The following TTC27 variants were observed in gnomAD, a reference collection of about 807,000 sequenced individuals.
TTC27 encodes the protein tetratricopeptide repeat protein 27.
TTC27 carries 79 observed loss-of-function variants against 115.9 expected under a neutral mutation model. The observed-to-expected ratio is 0.68, with a 90% CI of 0.57 to 0.82. TTC27 has a LOEUF of 0.82. Among genes scored for constraint, TTC27 ranks in the 40% least tolerant of loss-of-function variants. The pLI is 0.00. For synonymous variants in TTC27, 401 were observed against 356.0 expected (o/e 1.13, Z -1.42); for missense variants, 1,054 against 993.1 (o/e 1.06, Z -0.82).
At chr2:32,715,173 C>G (rs1296075236) in intron 10 of TTC27, among the ~76,000 whole-genome samples, 2 of 152,066 alleles carry the variant, frequency 1.3e-5, no homozygotes, top group Non-Finnish European at 2.9e-5. Flanking sequence ...ATAGTACTTT[C>G]TAGGTTATCT....
chr2:32,815,413 A>G (rs982054617), intron 18 of TTC27, among the ~76,000 whole-genome samples: 1 of 150,828 alleles, frequency 6.6e-6, no homozygotes, highest in African/African-American at 2.4e-5. Context: ...AATTTTTTGT[A>G]TTTTTAATAG....
At chr2:32,791,958 C>G (rs1670552591) in intron 16 of TTC27, among the ~76,000 whole-genome samples, 1 of 152,132 alleles carries the variant, frequency 6.6e-6, no homozygotes, top group Non-Finnish European at 1.5e-5. Context: ...AATCACCACC[C>G]CAAACAGTTA....
At chr2:32,705,331 A>G (rs1303720873) in intron 10 of TTC27, among the ~76,000 whole-genome samples, 1 of 152,166 alleles carries the variant, frequency 6.6e-6, no homozygotes, top group East Asian at 1.9e-4. Context: ...CCAAATAAAC[A>G]TCTTTTCTTT....
At chr2:32,680,765 G>C (rs924947574) in intron 9 of TTC27, among the ~76,000 whole-genome samples, 5 of 152,098 alleles carry the variant, frequency 3.3e-5, no homozygotes, top group African/African-American at 1.2e-4. Context: ...CAGTTTCTTG[G>C]GATTGGTCCA....
intron 9 of TTC27, among the ~76,000 whole-genome samples, chr2:32,692,283 A>G (rs1238547671): frequency 1.3e-5 from 2 of 152,114 alleles, no homozygotes; most frequent in Non-Finnish European, 1.5e-5. Context: ...CTGATATTTC[A>G]TCAAATTACC....
chr2:32,650,492 G>A (rs550035193), intron 5 of TTC27, among the ~76,000 whole-genome samples: 66 of 150,352 alleles, frequency 4.4e-4, no homozygotes, highest in African/African-American at 1.5e-3. Context: ...TTTGCTCTAT[G>A]TAGGTCACCA....
In TTC27 at chr2:32,787,028, A is replaced by G. The variant is rs766483659; in HGVS notation, c.1877A>G (p.Tyr626Cys). The G allele has an allele frequency of 8.7e-6, 14 of 1,614,020 alleles. No individual in the cohort carries two copies. Among genetic ancestry groups the G allele is most frequent in the East Asian group, 2.2e-5 (1 of 44,872 alleles). Residue 626 changes from tyrosine (Y) to cysteine (C), a missense_variant, in exon 16 of 20, where the codon TAT becomes TGT. Coordinates refer to ENST00000317907, the MANE Select transcript of TTC27 (RefSeq NM_017735.5). ...TTACAAGAAGCTCTCAAGTGTAACTATGAACACTGGCAGATTTGGGAAAAC... is the reference window on the plus strand; with the variant it reads ...TTACAAGAAGCTCTCAAGTGTAACTGTGAACACTGGCAGATTTGGGAAAAC... ...RTLQEALKCN[Y>C]EHWQIWENYI...
Position 32,820,884 on chromosome 2 carries a change from C to T in TTC27, c.2478C>T (p.Asp826=). ...RELADDITAM[D]TLVTELQDLS... is the part of the protein sequence containing the mutation. The stretch of plus-strand genomic sequence containing the variant: ...TAGCTGATGACATAACAGCTATGGA[C>T]ACCTTAGTGACAGAGCTCCAAGACC... The change falls in exon 20 of 20, where the codon GAC becomes GAT. Residue 826 remains aspartate (D), a synonymous_variant. Coordinates refer to ENST00000317907, the MANE Select transcript of TTC27 (RefSeq NM_017735.5). 6.5e-7 allele frequency: 1 copy of T among 1,541,898 alleles called. No homozygotes were observed. Among genetic ancestry groups the T allele is most frequent in the Non-Finnish European group, 8.8e-7 (1 of 1,140,646 alleles).
intron 9 of TTC27, among the ~76,000 whole-genome samples, chr2:32,699,319 G>A (rs1667103720): frequency 6.6e-6 from 1 of 152,198 alleles, no homozygotes; most frequent in Non-Finnish European, 1.5e-5. Flanking sequence ...AGCCTTGTAG[G>A]CATTGGGGTG....
At chr2:32,650,001 T>TAATCTCTTTATTACTGAA in intron 4 of TTC27, 130 bp from the exon 5 acceptor site, 1 of 697,712 alleles carries the variant, frequency 1.4e-6, no homozygotes. Flanking sequence ...AAGAGAGTAG[T>TAATCTCTTTATTACTGAA]GGATGGGTAA....
chr2:32,821,016 T>C lies in TTC27; in HGVS notation c.*78T>C, dbSNP rs1671687059. The C allele has an allele frequency of 7.9e-7, 1 of 1,265,064 alleles. No homozygotes were observed. Among genetic ancestry groups the C allele is most frequent in the East Asian group, 2.9e-5 (1 of 34,576 alleles). The allele number at this position is 1,265,064 out of a possible 1,614,324, so 78.4% of individuals were successfully genotyped here. ...ACATCTGTATATCTGAAATGCAAGA[T>C]ATTGATTTTTAAAATAAATTTGTTT... On this transcript the variant is annotated 3_prime_UTR_variant, in exon 20 of 20. Coordinates refer to ENST00000317907, the MANE Select transcript of TTC27 (RefSeq NM_017735.5).
At chr2:32,720,828 A>G (rs996848315) in intron 10 of TTC27, among the ~76,000 whole-genome samples, 3 of 152,198 alleles carry the variant, frequency 2.0e-5, no homozygotes, top group African/African-American at 7.2e-5. Context: ...TTTATTCTCT[A>G]TTAAAGACTA....
intron 12 of TTC27, among the ~76,000 whole-genome samples, chr2:32,756,434 A>G (rs552958632): frequency 4.2e-4 from 64 of 152,294 alleles, no homozygotes; most frequent in African/African-American, 1.5e-3. Context: ...CTAAAACTTT[A>G]TGTTTATTTT....
intron 16 of TTC27, among the ~76,000 whole-genome samples, chr2:32,791,207 C>T (rs1404071510): frequency 2.0e-5 from 3 of 152,294 alleles, no homozygotes; most frequent in South Asian, 2.1e-4. Context: ...TCCTTGCAGA[C>T]GAATCCTCAT....
intron 9 of TTC27, among the ~76,000 whole-genome samples, chr2:32,695,748 A>T (rs6543665): frequency 0.81 from 87,995 of 108,542 alleles, 35,479 homozygotes; most frequent in Middle Eastern, 0.89. Context: ...AAAAAAAAAA[A>T]AGCTGGGTGT....
chr2:32,658,354 A>T (rs144554925), intron 5 of TTC27, among the ~76,000 whole-genome samples: 121 of 152,198 alleles, frequency 8.0e-4, no homozygotes, highest in African/African-American at 2.8e-3. Context: ...GCTTCAAGTG[A>T]TCATCTCACC....
At chr2:32,804,692 G>A (rs1443229410) in intron 16 of TTC27, among the ~76,000 whole-genome samples, 1 of 151,964 alleles carries the variant, frequency 6.6e-6, no homozygotes, top group Non-Finnish European at 1.5e-5. Context: ...AGTAATGTTT[G>A]TGATTGGCCG....
At chr2:32,710,610 A>G (rs1438503176) in intron 10 of TTC27, among the ~76,000 whole-genome samples, 1 of 151,358 alleles carries the variant, frequency 6.6e-6, no homozygotes, top group Non-Finnish European at 1.5e-5. Context: ...TGGTATTTTT[A>G]GTAGAGACGG....
At chr2:32,667,905 T>A (rs1414401171) in intron 7 of TTC27, among the ~76,000 whole-genome samples, 3 of 150,616 alleles carry the variant, frequency 2.0e-5, no homozygotes, top group Non-Finnish European at 4.4e-5. Flanking sequence ...AATACAAAAT[T>A]AGGCCAGGTG....
Sources: gnomAD v4.1 joint callset for allele counts (sites outside exome capture counted in the v4.1 genomes callset) on GRCh38, gnomAD v4.1.1 for gene constraint, MANE v1.5 for transcripts, NCBI Gene and HGNC (gene_info 2026-07-23, HGNC 2026-07-21) for gene names.